Variants in SAFB2 observed in about 807,000 individuals in gnomAD.
SAFB2 encodes scaffold attachment factor B2.
Under a neutral mutation model 100.6 loss-of-function variants are expected in SAFB2, and 32 were observed. That is an observed-to-expected ratio of 0.32 (90% CI 0.24 to 0.43). SAFB2 has a LOEUF of 0.43. SAFB2 is among the 20% of genes least tolerant of loss of function. SAFB2 has a pLI of 1.00. For synonymous variants in SAFB2, 500 were observed against 439.4 expected (o/e 1.14, Z -1.72); for missense variants, 1,185 against 1,163.4 (o/e 1.02, Z -0.27).
At position 5,593,949 on chromosome 19, in the gene SAFB2, C is replaced by G. The variant is rs2052475818; in HGVS notation, c.2149G>C (p.Glu717Gln). The G allele has an allele frequency of 1.3e-6, 2 of 1,553,880 alleles. No individual in the cohort carries two copies. Among genetic ancestry groups the G allele is most frequent in the East Asian group, 2.4e-5 (1 of 42,272 alleles). The part of the protein sequence containing the change: ...REREELRRQQ[E>Q]QLRYEQERRP... Reference sequence around the variant, plus strand: ...CGCTCCTGCTCGTAACGCAGCTGCTCCTGCTGGCGCCGCAGCTCCTCGCGC... The same window carrying G: ...CGCTCCTGCTCGTAACGCAGCTGCTGCTGCTGGCGCCGCAGCTCCTCGCGC... Residue 717 changes from glutamate (E) to glutamine (Q), a missense_variant, in exon 15 of 21, where the codon GAG becomes CAG. Glu to Gln is a conservative substitution (Grantham distance 29). This residue lies in a region of SAFB2 where 740 missense variants were observed against 687.1 expected (regional missense o/e 1.08). Transcript: ENST00000252542.
intron 4 of SAFB2, 39 bp downstream of exon 4, chr19:5,616,093 G>T: frequency 2.5e-6 from 4 of 1,596,630 alleles, no homozygotes; most frequent in Non-Finnish European, 3.4e-6. Flanking sequence ...GGTGCCTCGG[G>T]GCTATGGGCA....
chr19:5,598,796 C>G lies in SAFB2; in HGVS notation c.1779G>C (p.Glu593Asp), dbSNP rs1322154368. The change falls in exon 13 of 21, where the codon GAG becomes GAC. Residue 593 changes from glutamate to aspartate, a missense_variant. Around this residue, in one of 3 missense-constraint regions of SAFB2, gnomAD observed 740 missense variants for 687.1 expected, o/e 1.08. Transcript: ENST00000252542. ...ISVKTTSRSK[E>D]RSSKSQDRKS... ...AGATGGCAGAGGCAATACTCACTCT[C>G]TCTTTGGACCTGCTTGTGGTTTTCA... The G allele has an allele frequency of 6.2e-7, 1 of 1,614,140 alleles. No individual in the cohort carries two copies. The highest frequency in any genetic ancestry group is 1.1e-5 in the South Asian group (1 of 91,086).
At chr19:5,609,429 G>C (rs1365668160) in intron 9 of SAFB2, among the ~76,000 whole-genome samples, 1 of 150,796 alleles carries the variant, frequency 6.6e-6, no homozygotes, top group Non-Finnish European at 1.5e-5. Flanking sequence ...TCAGCTTCCC[G>C]AGTAGCTGCG....
At chr19:5,607,607 G>T (rs1415862502) in intron 9 of SAFB2, among the ~76,000 whole-genome samples, 1 of 152,188 alleles carries the variant, frequency 6.6e-6, no homozygotes, top group Non-Finnish European at 1.5e-5. Context: ...ATGGGAAAAA[G>T]AGATCAATAA....
chr19:5,622,347 G>A (rs965823219), intron 1 of SAFB2, among the ~76,000 whole-genome samples, 183 bp downstream of exon 1: 5 of 152,210 alleles, frequency 3.3e-5, no homozygotes, highest in Admixed American at 6.5e-5. Flanking sequence ...GGGAGGCACA[G>A]AGAGGAGCGG....
intron 14 of SAFB2, 80 bp downstream of exon 14, chr19:5,595,281 G>C: frequency 6.5e-7 from 1 of 1,527,598 alleles, no homozygotes; most frequent in South Asian, 1.2e-5. Context: ...CACAGACTGC[G>C]CACTCCAAGT....
At chr19:5,606,327 A>G (rs2052774065) in intron 9 of SAFB2, among the ~76,000 whole-genome samples, 1 of 152,254 alleles carries the variant, frequency 6.6e-6, no homozygotes, top group Non-Finnish European at 1.5e-5. Flanking sequence ...ACATCCAGTA[A>G]AAAATTACCA....
chr19:5,616,146 G>C lies in SAFB2; in HGVS notation c.529C>G (p.Pro177Ala). The change falls in exon 4 of 21, where the codon CCC (proline) becomes GCC (alanine). Residue 177 changes from proline to alanine, a missense_variant. Pro to Ala is a conservative substitution (Grantham distance 27). Transcript: ENST00000252542. Reference protein sequence around the residue: ...AAQLRQLPAQPPEHAVDGEGF... With the variant: ...AAQLRQLPAQAPEHAVDGEGF... ...AAGTTACCTACAGCATGCTCTGGGG[G>C]CTGAGCCGGGAGCTGTCTCAGCTGT... 6.2e-7 allele frequency: 1 copy of C among 1,614,152 alleles called. No individual in the cohort carries two copies. The highest frequency in any genetic ancestry group is 1.1e-5 in the South Asian group (1 of 91,084).
Position 5,590,307 on chromosome 19 carries a change from A to G in SAFB2, c.2496T>C (p.Ser832=). The change falls in exon 18 of 21, where the codon AGT becomes AGC. Residue 832 remains serine (S), a synonymous_variant. Coordinates refer to ENST00000252542, the MANE Select transcript of SAFB2 (RefSeq NM_014649.3). ...WGGYGSDKRL[S]EGRGLPPPPR... ...GGGGAGGGGGCAGCCCCCGGCCTTC[A>G]CTCAGCCTCTTGTCGGAGCCGTAGC... 2 of 1,605,984 alleles carry G rather than the reference A, an allele frequency of 1.2e-6. No homozygotes were observed. Among genetic ancestry groups the G allele is most frequent in the Non-Finnish European group, 1.7e-6 (2 of 1,177,214 alleles).
At position 5,592,831 on chromosome 19, in the gene SAFB2, C is replaced by T. The variant is rs547264084; in HGVS notation, c.2264G>A (p.Arg755His). 1.1e-5 allele frequency: 17 copies of T among 1,614,166 alleles called. No individual in the cohort carries two copies. The highest frequency in any genetic ancestry group is 4.5e-5 in the East Asian group (2 of 44,884). The change falls in exon 16 of 21, where the codon CGT becomes CAT. Residue 755 changes from arginine to histidine, a missense_variant. Arg to His is a conservative substitution (Grantham distance 29). Transcript: ENST00000252542. ...GTGGTCTGGCCGGGGAAAGTCTGCA[C>T]GATATCGGTCCTCCATTGCCACACG... ...GKRVAMEDRY[R>H]ADFPRPDHRF...
chr19:5,617,141 A>C (rs2053050487), intron 2 of SAFB2, among the ~76,000 whole-genome samples: 1 of 152,230 alleles, frequency 6.6e-6, no homozygotes, highest in African/African-American at 2.4e-5. Context: ...AAACCAACAA[A>C]AAAATGCAAT....
At chr19:5,591,919 A>T in intron 16 of SAFB2, 126 bp from the exon 17 acceptor site, 1 of 867,854 alleles carries the variant, frequency 1.2e-6, no homozygotes, top group Admixed American at 2.3e-5. Flanking sequence ...CTGGCCTGGG[A>T]AAAAAGGAAA....
chr19:5,606,338 G>A (rs1039635394), intron 9 of SAFB2, among the ~76,000 whole-genome samples: 4 of 152,186 alleles, frequency 2.6e-5, no homozygotes, highest in Admixed American at 6.5e-5. Context: ...AAAATTACCA[G>A]GCACAGGCTG....
intron 2 of SAFB2, among the ~76,000 whole-genome samples, chr19:5,619,781 GT>G (rs2145365153): frequency 6.6e-6 from 1 of 151,316 alleles, no homozygotes. Flanking sequence ...GGAGGCGGAG[GT>G]TGCAGTGAGC....
At chr19:5,609,657 C>G (rs1171256665) in intron 9 of SAFB2, among the ~76,000 whole-genome samples, 1 of 152,186 alleles carries the variant, frequency 6.6e-6, no homozygotes, top group East Asian at 1.9e-4. Context: ...TTAGAAAGAA[C>G]CCCAAGAACA....
intron 2 of SAFB2, among the ~76,000 whole-genome samples, chr19:5,620,816 AC>A (rs149942700): frequency 6.1e-4 from 93 of 152,336 alleles, no homozygotes; most frequent in African/African-American, 2.2e-3. Context: ...GATGAATTTA[AC>A]GGTCTGTGAA....
At chr19:5,614,148 G>T (rs933631740) in intron 4 of SAFB2, among the ~76,000 whole-genome samples, 4 of 152,102 alleles carry the variant, frequency 2.6e-5, no homozygotes, top group African/African-American at 7.2e-5. Context: ...TAGAGACGGG[G>T]TTTCACCATG....
rs147906448 is a variant in SAFB2 at position 5,604,597 on chromosome 19, C to T, written c.1545G>A (p.Glu515=). 3.7e-6 allele frequency: 6 copies of T among 1,613,438 alleles called. No homozygotes were observed. In the South Asian group the frequency reaches 6.6e-5, roughly 18 times the overall value. The change falls in exon 11 of 21, where the codon GAG becomes GAA. Residue 515 remains glutamate (E), a synonymous_variant. Coordinates refer to ENST00000252542, the MANE Select transcript of SAFB2 (RefSeq NM_014649.3). ...ATTCACTTTACTTTTCAATTTTGAT[C>T]TCCACAGAATGATGTCTGTCGACAC... is the stretch of plus-strand genomic sequence containing the variant. ...LSSVDRHHSV[E]IKIEKTVIKK...
Position 5,598,795 on chromosome 19 carries a change from T to C in SAFB2, c.1780A>G (p.Arg594Gly). The change falls in exon 13 of 21, where the codon AGA becomes GGA. Residue 594 changes from arginine (R) to glycine (G), a missense_variant and splice_region_variant. Arg to Gly is a moderately radical substitution (Grantham distance 125, BLOSUM62 -2). Around this residue, in one of 3 missense-constraint regions of SAFB2, gnomAD observed 740 missense variants for 687.1 expected, o/e 1.08. Transcript: ENST00000252542. ...GAGATGGCAGAGGCAATACTCACTCTCTCTTTGGACCTGCTTGTGGTTTTC... is the reference window on the plus strand; with the variant it reads ...GAGATGGCAGAGGCAATACTCACTCCCTCTTTGGACCTGCTTGTGGTTTTC... ...SVKTTSRSKE[R>G]SSKSQDRKSE... The C allele has an allele frequency of 6.2e-7, 1 of 1,614,052 alleles. No homozygotes were observed. The highest frequency in any genetic ancestry group is 8.5e-7 in the Non-Finnish European group (1 of 1,179,914).
Sources: allele counts gnomAD v4.1 joint callset (sites outside exome capture counted in the v4.1 genomes callset), GRCh38; gene constraint gnomAD v4.1.1; regional missense constraint gnomAD v4.1.1; transcripts MANE v1.5; gene names NCBI Gene and HGNC (gene_info 2026-07-23, HGNC 2026-07-21).